The following CERS6 variants were observed in gnomAD, a reference collection of about 807,000 sequenced individuals.
CERS6 encodes the protein ceramide synthase 6, also known as LAG1 homolog, ceramide synthase 6.
CERS6 carries 26 observed loss-of-function variants against 56.8 expected under a neutral mutation model. The observed-to-expected ratio is 0.46, with a 90% confidence interval of 0.34 to 0.63. The LOEUF is 0.63. Among genes scored for constraint, CERS6 ranks in the 30% least tolerant of loss-of-function variants. CERS6 has a pLI of 0.01. For synonymous variants in CERS6, 164 were observed against 173.3 expected (o/e 0.95, Z 0.42); for missense variants, 415 against 467.5 (o/e 0.89, Z 1.04).
intron 4 of CERS6, among the ~76,000 whole-genome samples, chr2:168,657,170 A>G (rs2105323849): frequency 6.6e-6 from 1 of 152,316 alleles, no homozygotes; most frequent in South Asian, 2.1e-4. Context: ...AGCTAAACAC[A>G]GGGTGCTGAT....
intron 1 of CERS6, among the ~76,000 whole-genome samples, chr2:168,535,212 C>T (rs1695238375): frequency 6.6e-6 from 1 of 152,234 alleles, no homozygotes; most frequent in African/African-American, 2.4e-5. Flanking sequence ...AGACAGCAGG[C>T]AGCCGCAGCT....
chr2:168,603,670 T>G (rs972012993), intron 3 of CERS6, among the ~76,000 whole-genome samples: 1 of 152,230 alleles, frequency 6.6e-6, no homozygotes, highest in Non-Finnish European at 1.5e-5. Context: ...GAAGGTCCTG[T>G]TCTCTCACAG....
intron 1 of CERS6, among the ~76,000 whole-genome samples, chr2:168,469,121 A>G (rs1382411370): frequency 1.3e-5 from 2 of 152,236 alleles, no homozygotes; most frequent in Non-Finnish European, 2.9e-5. Context: ...TTAGCTGAAA[A>G]TAATATATGT....
chr2:168,738,147 A>G lies in CERS6; in HGVS notation c.845+20169A>G, dbSNP rs149159075. On this transcript the variant is annotated intron_variant, in intron 8 of 9. Transcript: ENST00000305747. ...CTTAAGTGAAATAGTTTTATTTTAT[A>G]TACAGGGTGAGAGACTCAAATTATG... Among the ~76,000 whole-genome samples the G allele has an allele frequency of 4.2e-3, 645 of 152,350 alleles. 5 individuals are homozygous for G. Among genetic ancestry groups the G allele is most frequent in the African/African-American group, 0.014 (598 of 41,584 alleles).
intron 1 of CERS6, among the ~76,000 whole-genome samples, chr2:168,531,131 A>C (rs1695158922): frequency 1.3e-5 from 2 of 152,196 alleles, no homozygotes; most frequent in Admixed American, 6.5e-5. Flanking sequence ...AGAGAGAAGA[A>C]TGCAAGATGA....
chr2:168,681,828 T>C (rs2893101), intron 4 of CERS6, among the ~76,000 whole-genome samples: 143,765 of 152,210 alleles, frequency 0.94, 67,930 homozygotes, highest in East Asian at 0.98. Context: ...CACTATTCTA[T>C]ACTCTACTTC....
At chr2:168,630,000 T>G (rs1007877946) in intron 3 of CERS6, among the ~76,000 whole-genome samples, 4 of 151,962 alleles carry the variant, frequency 2.6e-5, no homozygotes, top group Non-Finnish European at 4.4e-5. Context: ...GTATTTTTAT[T>G]AGAGACGGGA....
intron 3 of CERS6, among the ~76,000 whole-genome samples, chr2:168,624,629 C>T (rs1359027073): frequency 1.3e-5 from 2 of 152,122 alleles, no homozygotes; most frequent in Non-Finnish European, 2.9e-5. Flanking sequence ...CCAAGAGAAC[C>T]TACTATAAGT....
chr2:168,746,775 G>GTGTA (rs1553515803), intron 8 of CERS6, among the ~76,000 whole-genome samples: 1 of 39,032 alleles, frequency 2.6e-5, no homozygotes, highest in African/African-American at 7.7e-5. Context: ...AGGGTAAAGG[G>GTGTA]TATATATATA....
chr2:168,579,724 A>C (rs1004451265), intron 3 of CERS6, among the ~76,000 whole-genome samples: 1 of 152,124 alleles, frequency 6.6e-6, no homozygotes, highest in Non-Finnish European at 1.5e-5. Context: ...TTAAGATCCA[A>C]TCTGGAAACC....
intron 1 of CERS6, among the ~76,000 whole-genome samples, chr2:168,464,211 T>TGTGTGTGTGA (rs938428488): frequency 6.0e-5 from 9 of 148,940 alleles, no homozygotes; most frequent in Admixed American, 6.7e-5. Context: ...TGTGTGTGTG[T>TGTGTGTGTGA]GACAAGGGTC....
At chr2:168,688,757 G>A (rs1171403692) in intron 4 of CERS6, among the ~76,000 whole-genome samples, 1 of 152,170 alleles carries the variant, frequency 6.6e-6, no homozygotes, top group East Asian at 1.9e-4. Flanking sequence ...AGCTTCATCA[G>A]ATTCATGGTA....
At chr2:168,590,422 T>C (rs1012488393) in intron 3 of CERS6, among the ~76,000 whole-genome samples, 3 of 152,236 alleles carry the variant, frequency 2.0e-5, no homozygotes, top group Non-Finnish European at 4.4e-5. Context: ...TATGTATGTA[T>C]GTATTTATAA....
intron 3 of CERS6, among the ~76,000 whole-genome samples, chr2:168,605,355 T>A (rs1684028266): frequency 6.6e-6 from 1 of 152,198 alleles, no homozygotes; most frequent in African/African-American, 2.4e-5. Context: ...TAACATCCTG[T>A]GCTCATATGT....
intron 4 of CERS6, among the ~76,000 whole-genome samples, chr2:168,654,301 C>T (rs1685416192): frequency 6.6e-6 from 1 of 152,034 alleles, no homozygotes; most frequent in Admixed American, 6.6e-5. Context: ...GTAATCCCAA[C>T]AATTTGGGAG....
chr2:168,691,905 T>G (rs1430571289), intron 5 of CERS6, among the ~76,000 whole-genome samples: 3 of 152,158 alleles, frequency 2.0e-5, no homozygotes, highest in Non-Finnish European at 4.4e-5. Context: ...GTTTTTTGTT[T>G]GGGGTTTCTT....
At chr2:168,597,988 C>T (rs76830378) in intron 3 of CERS6, among the ~76,000 whole-genome samples, 2,869 of 152,066 alleles carry the variant, frequency 0.019, 131 homozygotes, top group East Asian at 0.18. Flanking sequence ...TTTTTTTTGT[C>T]CTTTATCTAT....
At chr2:168,694,284 G>A (rs1376992961) in intron 5 of CERS6, among the ~76,000 whole-genome samples, 3 of 152,076 alleles carry the variant, frequency 2.0e-5, no homozygotes. Flanking sequence ...GGCAGTTAAA[G>A]CAGGTATCAC....
intron 3 of CERS6, among the ~76,000 whole-genome samples, chr2:168,617,850 G>C (rs1240095401): frequency 1.3e-5 from 2 of 152,160 alleles, no homozygotes; most frequent in African/African-American, 4.8e-5. Context: ...CCACAAGGTA[G>C]AGAAAGAAGG....
Sources: allele counts gnomAD v4.1 joint callset (sites outside exome capture counted in the v4.1 genomes callset), GRCh38; gene constraint gnomAD v4.1.1; transcripts MANE v1.5; gene names NCBI Gene and HGNC (gene_info 2026-07-23, HGNC 2026-07-21).